The following PROCR variants were observed in gnomAD, a reference collection of about 807,000 sequenced individuals.
PROCR encodes endothelial protein C receptor.
Under a neutral mutation model 24.2 loss-of-function variants are expected in PROCR, and 22 were observed. The observed-to-expected ratio is 0.91, with a 90% CI of 0.65 to 1.30. PROCR has a LOEUF of 1.30. Ranked by LOEUF, PROCR falls within the 50% of genes most tolerant of loss-of-function variation. PROCR has a pLI of 0.00. For synonymous variants in PROCR, 137 were observed against 139.2 expected, an observed-to-expected ratio of 0.98 and a Z score of 0.11; for missense variants, 288 against 307.7, an observed-to-expected ratio of 0.94 and a Z score of 0.48.
At position 35,174,900 on chromosome 20, in the gene PROCR, T is replaced by C; in HGVS notation, c.269T>C (p.Leu90Pro). 6.2e-7 allele frequency: 1 copy of C among 1,606,564 alleles called. No homozygotes were observed. The highest frequency in any genetic ancestry group is 8.5e-7 in the Non-Finnish European group (1 of 1,176,506). ...ARTQSGLQSY[L>P]LQFHGLVRLV... ...ACGCAGAGTGGCCTGCAGTCCTACC[T>C]GCTCCAGTTCCACGGCCTCGTGCGC... The change falls in exon 2 of 4, where the codon CTG becomes CCG. Residue 90 changes from leucine (L) to proline (P), a missense_variant. Leu to Pro is a moderately conservative substitution (Grantham distance 98, BLOSUM62 -3). Transcript: ENST00000216968.
chr20:35,186,627 T>C (rs2086129683), intron 1 of PROCR, among the ~76,000 whole-genome samples: 1 of 148,850 alleles, frequency 6.7e-6, no homozygotes, highest in South Asian at 2.1e-4. Flanking sequence ...CCAGGTATTA[T>C]ATGATTCAAC....
chr20:35,213,030 T>G (rs1448578990), intron 1 of PROCR, among the ~76,000 whole-genome samples: 2 of 152,184 alleles, frequency 1.3e-5, no homozygotes, highest in Non-Finnish European at 2.9e-5. Flanking sequence ...TTTAAAAAAT[T>G]ATTATAGGAG....
In PROCR at chr20:35,172,197, G is replaced by T. The variant is rs772920052; in HGVS notation, c.43G>T (p.Ala15Ser). The T allele has an allele frequency of 6.2e-6, 10 of 1,614,210 alleles. No homozygotes were observed. In the South Asian group the frequency reaches 1.1e-4, roughly 18 times the overall value. ...LLPILLLSGW[A>S]FCSQDASDGL... The stretch of plus-strand genomic sequence containing the variant: ...GCCGATACTGCTGCTGTCTGGCTGG[G>T]CCTTTTGTAGCCAAGACGCCTCAGA... Residue 15 changes from alanine to serine, a missense_variant, in exon 1 of 4, where the codon GCC becomes TCC. By Grantham distance (99) the Ala-to-Ser change is moderately conservative. Coordinates refer to ENST00000216968, the MANE Select transcript of PROCR (RefSeq NM_006404.5).
At chr20:35,203,616 CAA>C (rs1002759837) in intron 1 of PROCR, among the ~76,000 whole-genome samples, 6 of 130,082 alleles carry the variant, frequency 4.6e-5, no homozygotes, top group African/African-American at 1.7e-4. Context: ...GACTCTGTCT[CAA>C]AAAAAAAGAA....
chr20:35,176,807 A>G lies in PROCR; in HGVS notation c.711A>G (p.Arg237=), dbSNP rs773991113. ...VGIFLCTGGR[R]C ...TCTTCCTGTGCACAGGTGGACGGCG[A>G]TGTTAATTACTCTCCAGCCCCCTCA... Residue 237 remains arginine (R), a synonymous_variant, in exon 4 of 4, where the codon CGA becomes CGG. Transcript: ENST00000216968. 2 of 1,613,836 alleles carry G rather than the reference A, an allele frequency of 1.2e-6. No individual in the cohort carries two copies. The highest frequency in any genetic ancestry group is 1.7e-6 in the Non-Finnish European group (2 of 1,179,954).
chr20:35,212,209 T>C (rs1324764414), intron 1 of PROCR, among the ~76,000 whole-genome samples: 2 of 152,008 alleles, frequency 1.3e-5, no homozygotes, highest in Non-Finnish European at 2.9e-5. Flanking sequence ...TAGTACATCA[T>C]AGAGAAAAAG....
At chr20:35,191,770 G>A (rs1177697046) in intron 1 of PROCR, among the ~76,000 whole-genome samples, 8 of 152,174 alleles carry the variant, frequency 5.3e-5, no homozygotes, top group Non-Finnish European at 8.8e-5. Flanking sequence ...GCAAATAACC[G>A]AGGGCCTAAT....
At chr20:35,182,112 G>C (rs1328640928), downstream of PROCR, among the ~76,000 whole-genome samples, 1 of 152,200 alleles carries the variant, frequency 6.6e-6, no homozygotes, top group Non-Finnish European at 1.5e-5. Context: ...AAGTGCAGGG[G>C]GGAAAAGGAA....
At chr20:35,210,463 C>A (rs1372934667) in intron 1 of PROCR, among the ~76,000 whole-genome samples, 1 of 152,000 alleles carries the variant, frequency 6.6e-6, no homozygotes, top group Non-Finnish European at 1.5e-5. Flanking sequence ...GGGAGGATCA[C>A]TTGAACTCAG....
intron 1 of PROCR, among the ~76,000 whole-genome samples, chr20:35,206,714 T>C (rs887735452): frequency 2.6e-5 from 4 of 152,104 alleles, no homozygotes; most frequent in African/African-American, 9.7e-5. Context: ...CAATTGTTGG[T>C]GAGAAGGCGG....
intron 1 of PROCR, among the ~76,000 whole-genome samples, chr20:35,173,979 CT>C (rs1048329492): frequency 6.6e-6 from 1 of 152,158 alleles, no homozygotes; most frequent in African/African-American, 2.4e-5. Context: ...GAGTGCTGGA[CT>C]TGACTGCCTA....
chr20:35,214,051 G>T (rs919160861), intron 1 of PROCR, among the ~76,000 whole-genome samples: 7 of 151,302 alleles, frequency 4.6e-5, no homozygotes, highest in Non-Finnish European at 1.5e-5. Flanking sequence ...CTCCAGCCTG[G>T]GTAACAGAGC....
upstream of PROCR, among the ~76,000 whole-genome samples, chr20:35,171,228 C>T (rs540666827): frequency 3.3e-4 from 51 of 152,244 alleles, no homozygotes; most frequent in Non-Finnish European, 6.5e-4. Context: ...GAGTAAGGGA[C>T]GCATTTTACA....
At chr20:35,193,178 C>CTTTT (rs369192046) in intron 1 of PROCR, among the ~76,000 whole-genome samples, 1 of 142,322 alleles carries the variant, frequency 7.0e-6, no homozygotes. Flanking sequence ...TTCTTTCTTT[C>CTTTT]TTTTTTTTTT....
In PROCR at chr20:35,172,106, C is replaced by T. The variant is rs1285763032; in HGVS notation, c.-49C>T. On this transcript the variant is annotated 5_prime_UTR_variant, in exon 1 of 4. Transcript: ENST00000216968. ...TTCCCTAGACTGCAGCCAGCGGAGCCCGCAGCCGGCCCGAGCCAGGAACCC... is the reference window on the plus strand; with the variant it reads ...TTCCCTAGACTGCAGCCAGCGGAGCTCGCAGCCGGCCCGAGCCAGGAACCC... The T allele has an allele frequency of 2.5e-6, 4 of 1,591,168 alleles. No homozygotes were observed. In the Admixed American group the frequency reaches 6.7e-5, roughly 27 times the overall value.
At chr20:35,193,464 G>A (rs1042134934) in intron 1 of PROCR, among the ~76,000 whole-genome samples, 3 of 152,228 alleles carry the variant, frequency 2.0e-5, no homozygotes, top group East Asian at 1.9e-4. Context: ...ATGAGCCACC[G>A]CACCTGGCCT....
intron 1 of PROCR, among the ~76,000 whole-genome samples, chr20:35,189,380 G>A (rs1272913380): frequency 6.6e-6 from 1 of 152,138 alleles, no homozygotes; most frequent in East Asian, 1.9e-4. Context: ...CTAGGATTAG[G>A]AAATTCCAGC....
At chr20:35,199,966 C>T (rs1267179268) in intron 1 of PROCR, among the ~76,000 whole-genome samples, 1 of 152,040 alleles carries the variant, frequency 6.6e-6, no homozygotes, top group Non-Finnish European at 1.5e-5. Flanking sequence ...TTGAGAGGTT[C>T]AAGTCTTCAG....
At chr20:35,213,950 C>G (rs1293625714) in intron 1 of PROCR, among the ~76,000 whole-genome samples, 3 of 151,980 alleles carry the variant, frequency 2.0e-5, no homozygotes. Context: ...TGGTGTTTGC[C>G]TGTAGTTCTA....
Sources: gnomAD v4.1 joint callset for allele counts (sites outside exome capture counted in the v4.1 genomes callset) on GRCh38, gnomAD v4.1.1 for gene constraint, MANE v1.5 for transcripts, NCBI Gene and HGNC (gene_info 2026-07-23, HGNC 2026-07-21) for gene names.